DTNA: variants seen among roughly 807,000 people sequenced by gnomAD.
The protein encoded by DTNA is dystrobrevin alpha.
DTNA carries 43 observed loss-of-function variants against 100.7 expected under a neutral mutation model. The observed-to-expected ratio is 0.43, with a 90% CI of 0.33 to 0.55. DTNA has a LOEUF of 0.55. Ranked by LOEUF, DTNA falls within the 20% of genes least tolerant of loss-of-function variation. DTNA has a pLI of 0.04. For synonymous variants in DTNA, 349 were observed against 347.9 expected, an observed-to-expected ratio of 1.00 and a Z score of -0.04; for missense variants, 798 against 953.9, an observed-to-expected ratio of 0.84 and a Z score of 2.15.
intron 2 of DTNA, among the ~76,000 whole-genome samples, chr18:34,760,811 A>G (rs2093103464): frequency 6.6e-6 from 1 of 152,224 alleles, no homozygotes; most frequent in Non-Finnish European, 1.5e-5. Context: ...TGGCCCAGTC[A>G]CGCACACTAC....
intron 1 of DTNA, among the ~76,000 whole-genome samples, chr18:34,600,173 A>T (rs959551721): frequency 6.6e-6 from 1 of 151,480 alleles, no homozygotes; most frequent in Non-Finnish European, 1.5e-5. Flanking sequence ...GCTTAAAGAG[A>T]GCTGAATAAA....
rs2096956876 is a variant in DTNA, at chr18:34,890,155, C to T, written c.*2421C>T. On this transcript the variant is annotated 3_prime_UTR_variant, in exon 23 of 23. Transcript: ENST00000444659. ...AAGATTTGAACTGTTCTGCTGATAA[C>T]CTTCCCCGTTGTCATAGCTATTTCA... is the stretch of plus-strand genomic sequence containing the variant. 2.8e-6 allele frequency: 4 copies of T among 1,435,574 alleles called. No individual in the cohort carries two copies. The highest frequency in any genetic ancestry group is 2.9e-5 in the African/African-American group (2 of 69,822). The allele number at this position is 1,435,574 out of a possible 1,614,324, so 88.9% of individuals were successfully genotyped here.
chr18:34,610,334 T>A (rs560832866), intron 1 of DTNA, among the ~76,000 whole-genome samples: 136 of 152,278 alleles, frequency 8.9e-4, no homozygotes, highest in African/African-American at 3.2e-3. Context: ...TTTTGACATC[T>A]AAGGAGACTG....
intron 1 of DTNA, among the ~76,000 whole-genome samples, chr18:34,537,333 A>G (rs2043814654): frequency 1.3e-5 from 2 of 152,004 alleles, no homozygotes; most frequent in Non-Finnish European, 2.9e-5. Flanking sequence ...AGCAAACGTA[A>G]CAATCTACAG....
At chr18:34,796,448 C>T (rs2094972916) in intron 4 of DTNA, among the ~76,000 whole-genome samples, 1 of 152,192 alleles carries the variant, frequency 6.6e-6, no homozygotes, top group African/African-American at 2.4e-5. Flanking sequence ...TACCACCTGT[C>T]CCACGACAGA....
intron 1 of DTNA, among the ~76,000 whole-genome samples, chr18:34,621,211 T>TATTGTA (rs2056435912): frequency 1.3e-5 from 2 of 148,644 alleles, no homozygotes; most frequent in African/African-American, 4.9e-5. Flanking sequence ...TATATGTACA[T>TATTGTA]ATTGTATATT....
intron 3 of DTNA, among the ~76,000 whole-genome samples, chr18:34,767,003 C>A (rs2093512587): frequency 6.6e-6 from 1 of 151,888 alleles, no homozygotes; most frequent in Non-Finnish European, 1.5e-5. Flanking sequence ...GTCAACACTT[C>A]CATTGTATTA....
In DTNA at chr18:34,532,213, A is replaced by G. The variant is rs140423165; in HGVS notation, c.-2+38699A>G. Among the ~76,000 whole-genome samples the G allele has an allele frequency of 4.2e-3, 645 of 152,274 alleles. 1 individual carries two copies. Among genetic ancestry groups the G allele is most frequent in the African/African-American group, 0.015 (608 of 41,576 alleles). ...CACTGGTCAAGGGAGGAAAGATGAC[A>G]TAAGTTAATTCTGATGAGGGCATTT... On this transcript the variant is annotated intron_variant, in intron 1 of 19. Coordinates refer to the DTNA transcript ENST00000283365.
intron 1 of DTNA, among the ~76,000 whole-genome samples, chr18:34,612,473 T>C (rs1287173468): frequency 6.6e-6 from 1 of 152,114 alleles, no homozygotes; most frequent in African/African-American, 2.4e-5. Flanking sequence ...GGAGGCCATA[T>C]GGTCAGCCCG....
intron 1 of DTNA, among the ~76,000 whole-genome samples, chr18:34,724,089 G>A (rs2086021711): frequency 6.6e-6 from 1 of 152,264 alleles, no homozygotes; most frequent in Non-Finnish European, 1.5e-5. Context: ...GAAGTTGAAA[G>A]CCATTCTCAC....
intron 1 of DTNA, among the ~76,000 whole-genome samples, chr18:34,508,868 C>A (rs894749079): frequency 1.3e-5 from 2 of 151,846 alleles, no homozygotes; most frequent in African/African-American, 4.8e-5. Flanking sequence ...TTACATATAC[C>A]CTTTATACAC....
Position 34,890,642 on chromosome 18 carries a change from G to C in DTNA, c.*2908G>C. 2 of 844,036 alleles carry C rather than the reference G, an allele frequency of 2.4e-6. No homozygotes were observed. The highest frequency in any genetic ancestry group is 3.5e-6 in the Non-Finnish European group (2 of 567,324). The allele number at this position is 844,036 out of a possible 1,614,324, so 52.3% of individuals were successfully genotyped here. A position where few individuals can be genotyped will look rare whatever the true frequency, so the allele number is the denominator to read the frequency against. The stretch of plus-strand genomic sequence containing the variant: ...GGAGGGGAGGAAGGTGAAATCTACT[G>C]CATGGGATTCAGGAAACAGTTGTGG... On this transcript the variant is annotated 3_prime_UTR_variant, in exon 23 of 23. Coordinates refer to ENST00000444659, the MANE Select transcript of DTNA (RefSeq NM_001386795.1).
intron 1 of DTNA, among the ~76,000 whole-genome samples, chr18:34,679,083 A>T (rs1264050304): frequency 6.6e-6 from 1 of 152,126 alleles, no homozygotes; most frequent in Admixed American, 6.6e-5. Flanking sequence ...TATCCCAGAA[A>T]ACTATCTACT....
chr18:34,508,307 T>C lies in DTNA; in HGVS notation c.-2+14793T>C, dbSNP rs180790522. On this transcript the variant is annotated intron_variant, in intron 1 of 19. Transcript: ENST00000283365. Reference sequence around the variant, plus strand: ...TTTTAGGAGATCTTGTCACATAGTATTGTTAGAGACAGATGCGTATGTGGA... The same window carrying C: ...TTTTAGGAGATCTTGTCACATAGTACTGTTAGAGACAGATGCGTATGTGGA... Among the ~76,000 whole-genome samples, 344 of 152,318 alleles carry C rather than the reference T, an allele frequency of 2.3e-3. 2 individuals carry two copies. Among genetic ancestry groups the C allele is most frequent in the Non-Finnish European group, 2.9e-3 (199 of 68,020 alleles).
intron 1 of DTNA, among the ~76,000 whole-genome samples, chr18:34,718,669 G>A (rs1302461127): frequency 6.6e-6 from 1 of 152,170 alleles, no homozygotes; most frequent in Non-Finnish European, 1.5e-5. Flanking sequence ...AAAAATGGTG[G>A]AGGAGGTGGA....
intron 1 of DTNA, among the ~76,000 whole-genome samples, chr18:34,621,012 A>G (rs1371711028): frequency 1.3e-5 from 2 of 152,108 alleles, no homozygotes; most frequent in East Asian, 3.9e-4. Context: ...TGCAAATTTC[A>G]AGTGCTATTT....
chr18:34,578,092 G>C (rs1230932363), intron 1 of DTNA, among the ~76,000 whole-genome samples: 1 of 151,972 alleles, frequency 6.6e-6, no homozygotes, highest in East Asian at 1.9e-4. Context: ...CAGCAGTGTA[G>C]AAGTGTTCCC....
chr18:34,534,127 A>G (rs1268567616), intron 1 of DTNA, among the ~76,000 whole-genome samples: 1 of 151,858 alleles, frequency 6.6e-6, no homozygotes, highest in Non-Finnish European at 1.5e-5. Context: ...CGGGCAGATA[A>G]CTGAGGTCAG....
chr18:34,673,720 A>G (rs1568185186), intron 1 of DTNA, among the ~76,000 whole-genome samples: 1 of 152,066 alleles, frequency 6.6e-6, no homozygotes, highest in Non-Finnish European at 1.5e-5. Context: ...TTCTACATTC[A>G]TTGCTGAAGG....
Sources: allele counts gnomAD v4.1 joint callset (sites outside exome capture counted in the v4.1 genomes callset), GRCh38; gene constraint gnomAD v4.1.1; transcripts MANE v1.5; gene names NCBI Gene and HGNC (gene_info 2026-07-23, HGNC 2026-07-21).